Variants in TAFA1 observed in about 807,000 individuals in gnomAD.
The protein encoded by TAFA1 is chemokine-like protein TAFA-1.
TAFA1 carries 4 observed loss-of-function variants against 18.5 expected under a neutral mutation model. The ratio of observed to expected loss-of-function variants is 0.22; its 90% CI spans 0.11 to 0.49. The LOEUF is 0.49. Among genes scored for constraint, TAFA1 ranks in the 20% least tolerant of loss-of-function variants. The pLI, the probability that TAFA1 is intolerant of heterozygous loss-of-function variation, is 0.98. For missense variants in TAFA1, 147 were observed against 169.0 expected (o/e 0.87, Z 0.72); for synonymous variants, 56 against 55.2 (o/e 1.01, Z -0.06).
intron 2 of TAFA1, among the ~76,000 whole-genome samples, chr3:68,021,739 T>C (rs1271947891): frequency 6.6e-6 from 1 of 152,206 alleles, no homozygotes; most frequent in Admixed American, 6.5e-5. Flanking sequence ...GTCAGTATCT[T>C]ATGATTTAAG....
intron 2 of TAFA1, among the ~76,000 whole-genome samples, chr3:68,291,065 G>A (rs1238127446): frequency 1.3e-5 from 2 of 152,050 alleles, no homozygotes; most frequent in Admixed American, 6.6e-5. Flanking sequence ...GCATGTAAAA[G>A]GATTAGAACA....
chr3:68,532,237 G>A (rs2073198284), intron 3 of TAFA1, among the ~76,000 whole-genome samples: 1 of 152,172 alleles, frequency 6.6e-6, no homozygotes, highest in South Asian at 2.1e-4. Context: ...GGTCTTCCCA[G>A]GAGGAGGAGG....
At chr3:68,316,881 A>G (rs1463416295) in intron 2 of TAFA1, among the ~76,000 whole-genome samples, 2 of 152,214 alleles carry the variant, frequency 1.3e-5, no homozygotes, top group African/African-American at 4.8e-5. Flanking sequence ...AGCATAATGA[A>G]TAAATATTTC....
At chr3:68,459,582 T>C (rs2106918338) in intron 3 of TAFA1, among the ~76,000 whole-genome samples, 1 of 152,302 alleles carries the variant, frequency 6.6e-6, no homozygotes, top group African/African-American at 2.4e-5. Context: ...ATCCTAACTG[T>C]GAGGACAAAA....
intron 2 of TAFA1, among the ~76,000 whole-genome samples, chr3:68,351,344 AC>A (rs2069261976): frequency 6.6e-6 from 1 of 152,198 alleles, no homozygotes; most frequent in African/African-American, 2.4e-5. Context: ...TTGATGAGCA[AC>A]CAAGACGATT....
At chr3:68,289,488 G>C (rs1026710423) in intron 2 of TAFA1, among the ~76,000 whole-genome samples, 1 of 152,200 alleles carries the variant, frequency 6.6e-6, no homozygotes, top group Non-Finnish European at 1.5e-5. Flanking sequence ...GTTAGTGTGA[G>C]AGTCACAGGA....
At chr3:68,161,169 A>G (rs2065921203) in intron 2 of TAFA1, among the ~76,000 whole-genome samples, 1 of 152,364 alleles carries the variant, frequency 6.6e-6, no homozygotes, top group African/African-American at 2.4e-5. Flanking sequence ...TATCCCAAGG[A>G]CATAAATTTT....
At chr3:68,310,524 G>A (rs929793988) in intron 2 of TAFA1, among the ~76,000 whole-genome samples, 5 of 152,022 alleles carry the variant, frequency 3.3e-5, no homozygotes, top group Non-Finnish European at 7.4e-5. Flanking sequence ...CCAATTTATA[G>A]TTTATATTGT....
intron 2 of TAFA1, among the ~76,000 whole-genome samples, chr3:68,343,946 C>A (rs142389988): frequency 1.3e-5 from 2 of 152,112 alleles, no homozygotes; most frequent in African/African-American, 4.8e-5. Flanking sequence ...TGGGTTCAAG[C>A]GATTCTTCTG....
Position 68,272,215 on chromosome 3 carries a change from G to A in TAFA1, c.119-145065G>A, listed in dbSNP as rs150271944. Among the ~76,000 whole-genome samples the A allele has an allele frequency of 2.4e-3, 371 of 152,256 alleles. 3 individuals are homozygous for A. Among genetic ancestry groups the A allele is most frequent in the Admixed American group, 6.3e-3 (96 of 15,278 alleles). ...TCTGGAAAACCACGTTAGCTTCTGT[G>A]TGCTGCTGGATCTTCATTTAGGGAG... is the stretch of plus-strand genomic sequence containing the variant. On this transcript the variant is annotated intron_variant, in intron 2 of 4. Transcript: ENST00000478136.
chr3:68,510,540 T>A (rs781470281), intron 3 of TAFA1, among the ~76,000 whole-genome samples: 3 of 152,146 alleles, frequency 2.0e-5, no homozygotes, highest in Non-Finnish European at 4.4e-5. Context: ...CCCAGTTGCA[T>A]GTTTTGGGGC....
chr3:68,461,360 C>CATATATAT (rs5849840), intron 3 of TAFA1, among the ~76,000 whole-genome samples: 1,854 of 106,540 alleles, frequency 0.017, 56 homozygotes, highest in African/African-American at 0.039. Context: ...AATGAAAGTG[C>CATATATAT]ATATATATAT....
At chr3:68,235,471 G>A (rs1470489391) in intron 2 of TAFA1, among the ~76,000 whole-genome samples, 1 of 152,180 alleles carries the variant, frequency 6.6e-6, no homozygotes, top group Non-Finnish European at 1.5e-5. Flanking sequence ...GAAATAGGTG[G>A]TATTGTGGGG....
chr3:68,406,938 T>C (rs1234905512), intron 2 of TAFA1, among the ~76,000 whole-genome samples: 1 of 152,202 alleles, frequency 6.6e-6, no homozygotes, highest in African/African-American at 2.4e-5. Flanking sequence ...ATTTCTGCAG[T>C]AGAGTTTCAA....
At chr3:68,040,595 T>A (rs1348624806) in intron 2 of TAFA1, among the ~76,000 whole-genome samples, 1 of 152,194 alleles carries the variant, frequency 6.6e-6, no homozygotes, top group Non-Finnish European at 1.5e-5. Flanking sequence ...GTTGTTAAGG[T>A]TTCCTCTAGT....
At chr3:68,472,958 A>G (rs1245952969) in intron 3 of TAFA1, among the ~76,000 whole-genome samples, 1 of 152,188 alleles carries the variant, frequency 6.6e-6, no homozygotes, top group African/African-American at 2.4e-5. Context: ...GGCTTACATG[A>G]CTGGCATGAG....
rs190126428 is a variant in TAFA1 at position 68,439,921 on chromosome 3, C to A, written c.259+22501C>A. Among the ~76,000 whole-genome samples, 251 of 152,172 alleles carry A rather than the reference C, an allele frequency of 1.6e-3. 1 individual carries two copies. The highest frequency in any genetic ancestry group is 3.1e-3 in the Admixed American group (48 of 15,274). Reference sequence around the variant, plus strand: ...AGACAATAATAAGATCATAATTATGCCTAACATAATACAACTTCCTTTGAA... The same window carrying A: ...AGACAATAATAAGATCATAATTATGACTAACATAATACAACTTCCTTTGAA... On this transcript the variant is annotated intron_variant, in intron 3 of 4. Transcript: ENST00000478136.
chr3:68,467,217 G>A (rs2071905294), intron 3 of TAFA1, among the ~76,000 whole-genome samples: 1 of 152,110 alleles, frequency 6.6e-6, no homozygotes. Context: ...CGAACAATTT[G>A]TGCAGTTAAT....
rs190752873 is a variant in TAFA1, at chr3:68,385,064, T to C, written c.119-32216T>C. Among the ~76,000 whole-genome samples, 5 of 151,784 alleles carry C rather than the reference T, an allele frequency of 3.3e-5. No homozygotes were observed. The East Asian group carries it at 9.7e-4, about 29-fold the overall frequency. ...TATTTTGAACCTATGCATGTCCTGC[T>C]TCTATAATTACTAACTGTGGGACCT... On this transcript the variant is annotated intron_variant, in intron 2 of 4. Coordinates refer to ENST00000478136, the MANE Select transcript of TAFA1 (RefSeq NM_213609.4).
Sources: allele counts gnomAD v4.1 joint callset (sites outside exome capture counted in the v4.1 genomes callset), GRCh38; gene constraint gnomAD v4.1.1; transcripts MANE v1.5; gene names NCBI Gene and HGNC (gene_info 2026-07-23, HGNC 2026-07-21).